The following MIS18A variants were observed in gnomAD, a reference collection of about 807,000 sequenced individuals.
MIS18A encodes the protein MIS18 kinetochore protein A.
Under a neutral mutation model 25.0 loss-of-function variants are expected in MIS18A, and 14 were observed. That is an observed-to-expected ratio of 0.56 (90% CI 0.37 to 0.88). MIS18A has a LOEUF of 0.88. MIS18A is among the 40% of genes least tolerant of loss of function. MIS18A has a pLI of 0.00. For missense variants in MIS18A, 292 were observed against 290.8 expected, an observed-to-expected ratio of 1.00 and a Z score of -0.03; for synonymous variants, 134 against 118.6, an observed-to-expected ratio of 1.13 and a Z score of -0.84.
chr21:32,156,425 C>T, the MIS18A span: 5 of 152,190 alleles, frequency 3.3e-5, no homozygotes, highest in East Asian at 5.8e-4. Context: ...GCCATCAGTC[C>T]GGATAAATGC....
chr21:32,235,500 G>A, the MIS18A span, among the ~76,000 whole-genome samples: 3 of 152,058 alleles, frequency 2.0e-5, no homozygotes, highest in Admixed American at 1.3e-4. Flanking sequence ...TCTGCTTCAG[G>A]GAACCCAACA....
At chr21:32,203,651 ACT>A in the MIS18A span, among the ~76,000 whole-genome samples, 53 of 120,148 alleles carry the variant, frequency 4.4e-4, no homozygotes, top group Admixed American at 1.3e-3. Flanking sequence ...ATAGGGTCTC[ACT>A]CTGTCACCCA....
At chr21:32,177,362 C>T in the MIS18A span, among the ~76,000 whole-genome samples, 7 of 152,140 alleles carry the variant, frequency 4.6e-5, no homozygotes, top group East Asian at 1.4e-3. Flanking sequence ...ACTGATGATG[C>T]ATTACTGAAA....
the MIS18A span, among the ~76,000 whole-genome samples, chr21:32,193,522 G>GATAGATA: frequency 2.0e-5 from 2 of 100,102 alleles, no homozygotes; most frequent in African/African-American, 7.7e-5. Flanking sequence ...ATAGATAGAT[G>GATAGATA]GATAGATCGA....
the MIS18A span, among the ~76,000 whole-genome samples, chr21:32,223,891 T>C: frequency 0.7 from 107,190 of 152,068 alleles, 38,695 homozygotes; most frequent in African/African-American, 0.87. Context: ...AAAATAATGG[T>C]CAACCAAATC....
the MIS18A span, chr21:32,197,709 G>A: frequency 2.6e-5 from 4 of 152,154 alleles, no homozygotes; most frequent in Admixed American, 6.5e-5. Flanking sequence ...TTCATTTTGA[G>A]GGTGGGAAGC....
At chr21:32,232,993 A>G in the MIS18A span, among the ~76,000 whole-genome samples, 1 of 152,226 alleles carries the variant, frequency 6.6e-6, no homozygotes, top group African/African-American at 2.4e-5. Flanking sequence ...TTTGACATAC[A>G]CAGTGAAATT....
At chr21:32,217,752 A>G in the MIS18A span, among the ~76,000 whole-genome samples, 1 of 152,166 alleles carries the variant, frequency 6.6e-6, no homozygotes, top group Non-Finnish European at 1.5e-5. Context: ...GATCCTCAAG[A>G]ATGTTAACTT....
At position 32,275,424 on chromosome 21, in the gene MIS18A, C is replaced by A. The variant is rs987566564; in HGVS notation, c.335-528G>T. Among the ~76,000 whole-genome samples the A allele has an allele frequency of 7.9e-5, 12 of 152,088 alleles. No individual in the cohort carries two copies. The East Asian group carries it at 9.6e-4, about 12-fold the overall frequency. On this transcript the variant is annotated intron_variant, in intron 1 of 4. Coordinates refer to ENST00000290130, the MANE Select transcript of MIS18A (RefSeq NM_018944.3). ...TCCAAACCTAGGAAGATGCAAACAGCCAACACATATATCTCCAGATTTCAA... is the reference window on the plus strand; with the variant it reads ...TCCAAACCTAGGAAGATGCAAACAGACAACACATATATCTCCAGATTTCAA...
chr21:32,187,839 T>C, the MIS18A span, among the ~76,000 whole-genome samples: 1 of 152,184 alleles, frequency 6.6e-6, no homozygotes. Context: ...CATTATGGAC[T>C]GAATGCCCCA....
the MIS18A span, among the ~76,000 whole-genome samples, chr21:32,175,716 A>C: frequency 6.6e-6 from 1 of 151,624 alleles, no homozygotes; most frequent in South Asian, 2.1e-4. Context: ...AGGCTGAAGC[A>C]GGAGAATCAC....
the MIS18A span, among the ~76,000 whole-genome samples, chr21:32,206,109 C>T: frequency 6.6e-6 from 1 of 152,204 alleles, no homozygotes; most frequent in African/African-American, 2.4e-5. Context: ...GATGACCCCT[C>T]TCATGTGGTC....
chr21:32,222,069 T>C, the MIS18A span, among the ~76,000 whole-genome samples: 1 of 151,362 alleles, frequency 6.6e-6, no homozygotes, highest in Admixed American at 6.6e-5. Context: ...AAGACACATA[T>C]AGGCTCAAAA....
At chr21:32,189,824 C>A in the MIS18A span, among the ~76,000 whole-genome samples, 14 of 152,330 alleles carry the variant, frequency 9.2e-5, no homozygotes, top group Non-Finnish European at 1.5e-4. Flanking sequence ...CCTGTCACTG[C>A]CCTTCCACAC....
chr21:32,157,212 G>A, the MIS18A span, among the ~76,000 whole-genome samples: 18 of 133,766 alleles, frequency 1.3e-4, no homozygotes, highest in East Asian at 1.9e-3. Context: ...ACCCGCCACC[G>A]TACCCGGCTA....
chr21:32,275,462 T>C (rs1388096789), intron 1 of MIS18A, among the ~76,000 whole-genome samples: 2 of 152,000 alleles, frequency 1.3e-5, no homozygotes, highest in Non-Finnish European at 2.9e-5. Flanking sequence ...ACAGGGCCCA[T>C]TTCTCTAAAA....
At chr21:32,163,409 C>T in the MIS18A span, among the ~76,000 whole-genome samples, 1 of 152,190 alleles carries the variant, frequency 6.6e-6, no homozygotes, top group African/African-American at 2.4e-5. Flanking sequence ...AAGAGTCATG[C>T]TCACAACATC....
At position 32,269,623 on chromosome 21, in the gene MIS18A, T is replaced by C. The variant is rs964728542; in HGVS notation, c.621+84A>G. On this transcript the variant is annotated intron_variant, in intron 4 of 4. Coordinates refer to ENST00000290130, the MANE Select transcript of MIS18A (RefSeq NM_018944.3). ...TTCCTGCAATCAACACAGATGACGT[T>C]ATGAGAATTATCGTTTGTGGGGGAG... 4.0e-5 allele frequency: 31 copies of C among 779,304 alleles called. No homozygotes were observed. The African/African-American group carries it at 4.4e-4, about 11-fold the overall frequency. 48.3% of individuals were successfully genotyped at this position (779,304 alleles called of 1,614,324 possible). A position where few individuals can be genotyped will look rare whatever the true frequency, so the allele number is the denominator to read the frequency against.
chr21:32,167,987 A>G, the MIS18A span, among the ~76,000 whole-genome samples: 1 of 152,174 alleles, frequency 6.6e-6, no homozygotes, highest in Non-Finnish European at 1.5e-5. Flanking sequence ...CTAGTTCCCA[A>G]TGAATGATGT....
Sources: gnomAD v4.1 joint callset for allele counts (sites outside exome capture counted in the v4.1 genomes callset) on GRCh38, gnomAD v4.1.1 for gene constraint, MANE v1.5 for transcripts, NCBI Gene and HGNC (gene_info 2026-07-23, HGNC 2026-07-21) for gene names.